The following ZNF521 variants were observed in gnomAD, a reference collection of about 807,000 sequenced individuals.
ZNF521 encodes the protein LYST-interacting protein 3.
A neutral mutation model predicts 105.5 loss-of-function variants in ZNF521; 14 were observed. The ratio of observed to expected loss-of-function variants is 0.13; its 90% CI spans 0.09 to 0.21. ZNF521 has a LOEUF of 0.21. ZNF521 is among the 10% of genes least tolerant of loss of function. The pLI is 1.00. For missense variants in ZNF521, 1,233 were observed against 1,629.7 expected (o/e 0.76, Z 4.19); for synonymous variants, 635 against 606.0 (o/e 1.05, Z -0.70).
At chr18:25,099,661 A>G (rs1472562831) in intron 5 of ZNF521, among the ~76,000 whole-genome samples, 2 of 152,180 alleles carry the variant, frequency 1.3e-5, no homozygotes, top group Non-Finnish European at 2.9e-5. Context: ...CTGTATTCTC[A>G]TGTTACAAAG....
intron 7 of ZNF521, among the ~76,000 whole-genome samples, chr18:25,064,289 C>T (rs2032991851): frequency 8.3e-6 from 1 of 120,382 alleles, no homozygotes; most frequent in African/African-American, 3.4e-5. Context: ...ACGGATACAC[C>T]TAAACCTGCC....
chr18:25,332,211 T>C (rs1274567055), intron 2 of ZNF521, among the ~76,000 whole-genome samples: 3 of 151,836 alleles, frequency 2.0e-5, no homozygotes, highest in African/African-American at 7.2e-5. Flanking sequence ...TTGTAAGAAA[T>C]GATCCCACTT....
At chr18:25,342,284 C>T (rs999872643) in intron 2 of ZNF521, among the ~76,000 whole-genome samples, 1 of 152,156 alleles carries the variant, frequency 6.6e-6, no homozygotes, top group Non-Finnish European at 1.5e-5. Flanking sequence ...CCAAACCCCC[C>T]TATGTATAGG....
chr18:25,350,770 G>C, intron 2 of ZNF521, 137 bp downstream of exon 2: 5 of 817,902 alleles, frequency 6.1e-6, no homozygotes, highest in South Asian at 3.4e-5. Context: ...GCTCAGCGGG[G>C]AGGGGAGCGC....
intron 4 of ZNF521, among the ~76,000 whole-genome samples, chr18:25,196,975 A>T (rs1272553654): frequency 3.3e-5 from 5 of 151,804 alleles, no homozygotes; most frequent in Non-Finnish European, 5.9e-5. Flanking sequence ...ACTGTCTCCA[A>T]AAATGATGAC....
rs183358924 is a variant in ZNF521, at chr18:25,198,904, T to G, written c.3574-3660A>C. Among the ~76,000 whole-genome samples, 169 of 152,062 alleles carry G rather than the reference T, an allele frequency of 1.1e-3. 2 individuals are homozygous for G. The Middle Eastern group carries it at 0.02, about 18-fold the overall frequency. On this transcript the variant is annotated intron_variant, in intron 4 of 7. Transcript: ENST00000361524. ...TCTGAGATACTCAAATTCCATCCTT[T>G]GATCATTGCAAAGCAAAAGATATAT...
Position 25,130,812 on chromosome 18 carries a change from G to C in ZNF521, c.3659-38731C>G, listed in dbSNP as rs2034627479. Among the ~76,000 whole-genome samples the C allele has an allele frequency of 2.6e-5, 4 of 152,032 alleles. No homozygotes were observed. The South Asian group carries it at 8.3e-4, about 32-fold the overall frequency. ...TCAATAATTAGCCAGGTGTTGTGGT[G>C]CATGCCTGTAGTCCCAGCTACTTGG... On this transcript the variant is annotated intron_variant, in intron 5 of 7. Coordinates refer to ENST00000361524, the MANE Select transcript of ZNF521 (RefSeq NM_015461.3).
At chr18:25,133,149 T>G (rs369663941) in intron 5 of ZNF521, among the ~76,000 whole-genome samples, 18 of 152,326 alleles carry the variant, frequency 1.2e-4, no homozygotes, top group African/African-American at 4.3e-4. Flanking sequence ...TCAAGGTCTC[T>G]TGGTAGAGTT....
intron 7 of ZNF521, among the ~76,000 whole-genome samples, chr18:25,088,535 G>T (rs929572244): frequency 3.3e-5 from 5 of 151,922 alleles, no homozygotes; most frequent in East Asian, 3.9e-4. Flanking sequence ...ATAATTTTCA[G>T]TTCGACTCTA....
intron 3 of ZNF521, among the ~76,000 whole-genome samples, chr18:25,285,148 CTCT>C (rs1333004356): frequency 1.3e-5 from 2 of 151,974 alleles, no homozygotes; most frequent in Admixed American, 6.6e-5. Flanking sequence ...CAGAGTTATT[CTCT>C]TCTTCCTGGT....
intron 7 of ZNF521, among the ~76,000 whole-genome samples, chr18:25,068,861 G>A (rs1376811547): frequency 4.6e-5 from 7 of 152,248 alleles, no homozygotes; most frequent in Middle Eastern, 3.4e-3. Context: ...TTGACACAAA[G>A]CGAGCTGGGC....
rs769802375 is a variant in ZNF521 at position 25,226,517 on chromosome 18, C to A, written c.1401G>T (p.Leu467=). 1 of 1,614,110 alleles carries A rather than the reference C, an allele frequency of 6.2e-7. No homozygotes were observed. The highest frequency in any genetic ancestry group is 2.2e-5 in the East Asian group (1 of 44,868). The change falls in exon 4 of 8, where the codon CTG becomes CTT. Residue 467 remains leucine (L), a synonymous_variant. Coordinates refer to ENST00000361524, the MANE Select transcript of ZNF521 (RefSeq NM_015461.3). This position sits in a 1 kb window ranked among gnomAD's most constrained non-coding sequence, Gnocchi z 4.1. The part of the protein sequence containing the change: ...KQVHEAQDPG[L]IVSAMPAIVY... ...CAATGGCAGGCATGGCAGAAACAAT[C>A]AGACCTGGGTCCTGAGCTTCATGCA...
At chr18:25,168,383 T>C (rs1269354185) in intron 5 of ZNF521, among the ~76,000 whole-genome samples, 1 of 152,112 alleles carries the variant, frequency 6.6e-6, no homozygotes, top group Non-Finnish European at 1.5e-5. Flanking sequence ...TCAACCCTTT[T>C]CTCCCGGTTC....
At chr18:25,312,665 G>T (rs1912379204) in intron 3 of ZNF521, among the ~76,000 whole-genome samples, 1 of 103,454 alleles carries the variant, frequency 9.7e-6, no homozygotes, top group East Asian at 2.5e-4. Flanking sequence ...ACAAAAATTA[G>T]CCGGGCGCGG....
intron 2 of ZNF521, among the ~76,000 whole-genome samples, chr18:25,326,010 G>A (rs573622331): frequency 1.4e-4 from 21 of 152,120 alleles, no homozygotes; most frequent in Admixed American, 4.6e-4. Context: ...TAAAAGTGTT[G>A]GAGGCAATAA....
intron 2 of ZNF521, among the ~76,000 whole-genome samples, chr18:25,332,061 G>A (rs757803090): frequency 1.5e-5 from 2 of 129,636 alleles, no homozygotes; most frequent in African/African-American, 5.5e-5. Flanking sequence ...ATGAAAAAAT[G>A]TTGGGTTTTT....
chr18:25,137,365 T>A (rs923677190), intron 5 of ZNF521, among the ~76,000 whole-genome samples: 1 of 152,178 alleles, frequency 6.6e-6, no homozygotes, highest in Non-Finnish European at 1.5e-5. Context: ...TTCTCTACTG[T>A]TAGAACTGGG....
chr18:25,130,034 C>T (rs944789793), intron 5 of ZNF521, among the ~76,000 whole-genome samples: 1 of 152,184 alleles, frequency 6.6e-6, no homozygotes, highest in Non-Finnish European at 1.5e-5. Context: ...AAAACCTGCA[C>T]ACGAATGTTT....
intron 2 of ZNF521, among the ~76,000 whole-genome samples, chr18:25,340,835 A>G (rs1193070839): frequency 6.6e-6 from 1 of 152,202 alleles, no homozygotes; most frequent in Non-Finnish European, 1.5e-5. Flanking sequence ...CCAGCCCATC[A>G]CACTCATACT....
Sources: allele counts gnomAD v4.1 joint callset (sites outside exome capture counted in the v4.1 genomes callset), GRCh38; gene constraint gnomAD v4.1.1; non-coding constraint Gnocchi (gnomAD v3.1); transcripts MANE v1.5; gene names NCBI Gene and HGNC (gene_info 2026-07-23, HGNC 2026-07-21).